The following ZNF254 variants were observed in gnomAD, a reference collection of about 807,000 sequenced individuals.
The protein encoded by ZNF254 is CTD-2017D11.1.
In ZNF254, 10 loss-of-function variants were observed where a neutral mutation model predicts 12.4. The observed-to-expected ratio is 0.80, with a 90% CI of 0.50 to 1.36. The LOEUF is 1.36. Ranked by LOEUF, ZNF254 falls within the 40% of genes most tolerant of loss-of-function variation. The pLI, the probability that ZNF254 is intolerant of heterozygous loss-of-function variation, is 0.00. For missense variants in ZNF254, 996 were observed against 763.9 expected, an observed-to-expected ratio of 1.30 and a Z score of -3.58; for synonymous variants, 305 against 253.4, an observed-to-expected ratio of 1.20 and a Z score of -1.93.
intron 3 of ZNF254, chr19:24,107,230 T>C (rs1293962702): frequency 1.5e-6 from 1 of 655,148 alleles, no homozygotes. Context: ...GGATTTTTCA[T>C]TACTGTGAAG....
In ZNF254 at chr19:24,034,488, G is replaced by GTTTT. The variant is rs963358053; in HGVS notation, c.-190+886_-190+889dup. Among the ~76,000 whole-genome samples the GTTTT allele has an allele frequency of 3.7e-4, 40 of 107,342 alleles. 1 individual carries two copies. The highest frequency in any genetic ancestry group is 7.1e-4 in the African/African-American group (20 of 28,268). The allele number at this position is 107,342 out of a possible 152,430, so 70.4% of individuals were successfully genotyped here. On this transcript the variant is annotated intron_variant, in intron 1 of 4. Coordinates refer to the ZNF254 transcript ENST00000613065. ...GACAAATTTAGATTTAGGTAAGTGG[G>GTTTT]TTTTTTTTTTTTTTTTTTTTTTCTT...
rs775117642 is a variant in ZNF254 at position 24,126,757 on chromosome 19, C to G, written c.757C>G (p.Leu253Val). ...CAAATCTCCTAAGCAACTCTCAACC[C>G]TTACTACACATGAAATAATTCATGC... is the stretch of plus-strand genomic sequence containing the variant. ...YNKSPKQLST[L>V]TTHEIIHAGE... is the part of the protein sequence containing the mutation. Residue 253 changes from leucine (L) to valine (V), a missense_variant, in exon 4 of 4, where the codon CTT becomes GTT. Leu to Val is a conservative substitution (Grantham distance 32). Transcript: ENST00000357002. 6.8e-6 allele frequency: 11 copies of G among 1,613,342 alleles called. No homozygotes were observed. The highest frequency in any genetic ancestry group is 9.3e-6 in the Non-Finnish European group (11 of 1,179,752).
At chr19:24,115,130 A>T (rs2145891381) in intron 3 of ZNF254, among the ~76,000 whole-genome samples, 1 of 152,262 alleles carries the variant, frequency 6.6e-6, no homozygotes, top group African/African-American at 2.4e-5. Context: ...TTCCTCAGGG[A>T]TCTAGAACTA....
At chr19:24,058,083 C>T (rs1029166823) in intron 2 of ZNF254, among the ~76,000 whole-genome samples, 8 of 152,174 alleles carry the variant, frequency 5.3e-5, no homozygotes, top group Admixed American at 2.0e-4. Flanking sequence ...AAGACATTAA[C>T]ATATCTCAGA....
At chr19:24,075,187 C>T (rs1971614822) in intron 2 of ZNF254, among the ~76,000 whole-genome samples, 2 of 152,210 alleles carry the variant, frequency 1.3e-5, no homozygotes, top group South Asian at 2.1e-4. Context: ...TCACTTGACC[C>T]AGCACCTAAG....
intron 3 of ZNF254, among the ~76,000 whole-genome samples, chr19:24,121,669 T>G (rs1974493557): frequency 1.3e-5 from 2 of 152,132 alleles, no homozygotes; most frequent in African/African-American, 4.8e-5. Context: ...GTGATTTTCC[T>G]GCCTCAGCCT....
At chr19:24,051,391 C>T (rs1336275809) in intron 2 of ZNF254, among the ~76,000 whole-genome samples, 1 of 152,110 alleles carries the variant, frequency 6.6e-6, no homozygotes. Flanking sequence ...AATTCCTGAC[C>T]TCAAGTGAGC....
intron 2 of ZNF254, among the ~76,000 whole-genome samples, chr19:24,056,325 T>A (rs1970852726): frequency 6.6e-6 from 1 of 152,178 alleles, no homozygotes; most frequent in Non-Finnish European, 1.5e-5. Flanking sequence ...ATGACATATA[T>A]TTCCATTCAT....
intron 3 of ZNF254, among the ~76,000 whole-genome samples, chr19:24,114,998 TG>T (rs1174390746): frequency 1.0e-4 from 16 of 152,408 alleles, no homozygotes. Context: ...CCAGTTAGAA[TG>T]GCAATCATTA....
intron 1 of ZNF254, among the ~76,000 whole-genome samples, chr19:24,035,157 T>G (rs1969918784): frequency 6.6e-6 from 1 of 151,928 alleles, no homozygotes; most frequent in South Asian, 2.1e-4. Flanking sequence ...TCAGCCTGGT[T>G]TTTTTGTTGT....
intron 1 of ZNF254, among the ~76,000 whole-genome samples, chr19:24,099,470 G>T (rs8110507): frequency 0.3 from 45,887 of 152,024 alleles, 8,252 homozygotes; most frequent in African/African-American, 0.51. Flanking sequence ...GCAAGAGTGC[G>T]CTAGCACAGT....
At chr19:24,082,601 G>T (rs1451529203), upstream of ZNF254, among the ~76,000 whole-genome samples, 1 of 133,678 alleles carries the variant, frequency 7.5e-6, no homozygotes. Context: ...AGTGAGCCCA[G>T]ATCGCGCCAA....
chr19:24,115,171 C>T (rs898951220), intron 3 of ZNF254, among the ~76,000 whole-genome samples: 2 of 152,060 alleles, frequency 1.3e-5, no homozygotes, highest in South Asian at 4.1e-4. Context: ...CAACCCATTA[C>T]TGGGTAGATA....
upstream of ZNF254, among the ~76,000 whole-genome samples, chr19:24,086,424 G>T (rs1389865725): frequency 6.6e-6 from 1 of 152,020 alleles, no homozygotes; most frequent in African/African-American, 2.4e-5. Flanking sequence ...TGCTGCCTCA[G>T]CCACCCGAGA....
At chr19:24,125,800 C>A (rs1248050521) in intron 3 of ZNF254, among the ~76,000 whole-genome samples, 2 of 152,180 alleles carry the variant, frequency 1.3e-5, no homozygotes, top group Admixed American at 6.5e-5. Context: ...ACCACCATTT[C>A]TTTCAGTACT....
At chr19:24,121,335 ATT>A (rs964148799) in intron 3 of ZNF254, among the ~76,000 whole-genome samples, 2 of 151,718 alleles carry the variant, frequency 1.3e-5, no homozygotes, top group African/African-American at 4.8e-5. Context: ...CCATGTTTTA[ATT>A]TTGTTTTGCA....
At chr19:24,062,101 AAG>A (rs1555754535) in intron 2 of ZNF254, among the ~76,000 whole-genome samples, 16 of 75,128 alleles carry the variant, frequency 2.1e-4, no homozygotes, top group Middle Eastern at 6.2e-3. Flanking sequence ...AAAAAAAAAA[AAG>A]AAAAAGAAAA....
At chr19:24,112,435 TC>T (rs1398865471) in intron 3 of ZNF254, among the ~76,000 whole-genome samples, 1 of 148,182 alleles carries the variant, frequency 6.7e-6, no homozygotes, top group Non-Finnish European at 1.5e-5. Context: ...TGATGCGGGC[TC>T]TTTTTTGGTT....
chr19:24,044,304 C>T (rs918301109), intron 1 of ZNF254, among the ~76,000 whole-genome samples: 17 of 150,740 alleles, frequency 1.1e-4, no homozygotes, highest in African/African-American at 3.4e-4. Flanking sequence ...TTTGGGAGGC[C>T]GAGGCGGGTG....
Sources: gnomAD v4.1 joint callset for allele counts (sites outside exome capture counted in the v4.1 genomes callset) on GRCh38, gnomAD v4.1.1 for gene constraint, MANE v1.5 for transcripts, NCBI Gene and HGNC (gene_info 2026-07-23, HGNC 2026-07-21) for gene names.